The following DISC1 variants were observed in gnomAD, a reference collection of about 807,000 sequenced individuals.
The protein encoded by DISC1 is disrupted in schizophrenia 1 protein.
DISC1 carries 57 observed loss-of-function variants against 84.5 expected under a neutral mutation model. The observed-to-expected ratio is 0.67, with a 90% CI of 0.55 to 0.84. DISC1 has a LOEUF of 0.84. Ranked by LOEUF, DISC1 falls within the 40% of genes least tolerant of loss-of-function variation. The pLI, the probability that DISC1 is intolerant of heterozygous loss-of-function variation, is 0.00. For synonymous variants in DISC1, 411 were observed against 415.2 expected, an observed-to-expected ratio of 0.99 and a Z score of 0.12; for missense variants, 1,000 against 1,057.8, an observed-to-expected ratio of 0.95 and a Z score of 0.76.
intron 9 of DISC1, among the ~76,000 whole-genome samples, chr1:231,923,527 G>A (rs1051785411): frequency 6.6e-6 from 1 of 152,062 alleles, no homozygotes; most frequent in African/African-American, 2.4e-5. Flanking sequence ...TTTGCCTTGG[G>A]GCCTAGAAAG....
intron 1 of DISC1, among the ~76,000 whole-genome samples, chr1:231,689,189 G>A (rs2064683215): frequency 6.6e-6 from 1 of 152,184 alleles, no homozygotes; most frequent in Non-Finnish European, 1.5e-5. Flanking sequence ...TGCAAGTCAT[G>A]TTTTGTAAAG....
intron 4 of DISC1, among the ~76,000 whole-genome samples, chr1:231,756,254 C>G (rs1222592026): frequency 6.6e-6 from 1 of 152,218 alleles, no homozygotes; most frequent in Non-Finnish European, 1.5e-5. Context: ...ATCAGTCACA[C>G]TGCCTCTCCC....
intron 9 of DISC1, among the ~76,000 whole-genome samples, chr1:231,890,934 C>T (rs72760454): frequency 0.01 from 1,585 of 152,240 alleles, 24 homozygotes; most frequent in Middle Eastern, 0.044. Flanking sequence ...CTCACATTTT[C>T]CTCCCGTGAC....
chr1:232,000,588 AG>A (rs1285415648), intron 10 of DISC1, among the ~76,000 whole-genome samples: 1 of 152,248 alleles, frequency 6.6e-6, no homozygotes, highest in Non-Finnish European at 1.5e-5. Flanking sequence ...TACAGATTCA[AG>A]AAGCTACACA....
In DISC1 at chr1:232,013,186, A is replaced by G. The variant is rs1246326030; in HGVS notation, c.2307+4137A>G. Reference sequence around the variant, plus strand: ...AGCCTGCGGGGTGCTTTCTGTTTCCATTGCTTTTTCTACATAATGGGCTCC... The same window carrying G: ...AGCCTGCGGGGTGCTTTCTGTTTCCGTTGCTTTTTCTACATAATGGGCTCC... On this transcript the variant is annotated intron_variant, in intron 11 of 12. Transcript: ENST00000439617. Among the ~76,000 whole-genome samples, 3 of 151,850 alleles carry G rather than the reference A, an allele frequency of 2.0e-5. No individual in the cohort carries two copies. The East Asian group carries it at 5.8e-4, about 29-fold the overall frequency.
chr1:231,726,249 A>G (rs976938943), intron 3 of DISC1, among the ~76,000 whole-genome samples: 2 of 152,260 alleles, frequency 1.3e-5, no homozygotes, highest in African/African-American at 4.8e-5. Flanking sequence ...TCCTGATAAC[A>G]TAACATTATG....
chr1:231,762,890 C>A (rs2075878283), intron 4 of DISC1, among the ~76,000 whole-genome samples: 1 of 152,112 alleles, frequency 6.6e-6, no homozygotes, highest in Non-Finnish European at 1.5e-5. Flanking sequence ...TTTTTGTTAT[C>A]ATCATCACTG....
chr1:231,923,127 C>CA (rs1268806017), intron 9 of DISC1, among the ~76,000 whole-genome samples: 1 of 149,778 alleles, frequency 6.7e-6, no homozygotes, highest in South Asian at 2.1e-4. Context: ...AACACACACA[C>CA]AAAAAAAAAG....
At chr1:231,734,128 T>C (rs934038721) in intron 3 of DISC1, among the ~76,000 whole-genome samples, 1 of 152,120 alleles carries the variant, frequency 6.6e-6, no homozygotes, top group Non-Finnish European at 1.5e-5. Context: ...GATGCCTCCA[T>C]CCCTGAGTCT....
At chr1:231,677,085 A>G (rs2063228811) in intron 1 of DISC1, among the ~76,000 whole-genome samples, 1 of 152,176 alleles carries the variant, frequency 6.6e-6, no homozygotes, top group Non-Finnish European at 1.5e-5. Context: ...TCTAGGGTAA[A>G]ATACAGATCT....
intron 1 of DISC1, among the ~76,000 whole-genome samples, chr1:231,644,628 G>T (rs888613590): frequency 1.3e-5 from 2 of 152,154 alleles, no homozygotes; most frequent in Admixed American, 6.5e-5. Flanking sequence ...GGTGGCTTCA[G>T]AGCCAAATGG....
chr1:231,746,641 A>G lies in DISC1; in HGVS notation c.1118-3285A>G, dbSNP rs2074015133. Among the ~76,000 whole-genome samples the G allele has an allele frequency of 1.3e-5, 2 of 152,140 alleles. 1 individual carries two copies. The highest frequency in any genetic ancestry group is 4.1e-4 in the South Asian group (2 of 4,822). ...TTTATTTTATTTTTTTGTCTTTTTG[A>G]TAATAGCTATCCTAACTGGGGTGAG... On this transcript the variant is annotated intron_variant, in intron 3 of 12. Coordinates refer to ENST00000439617, the MANE Select transcript of DISC1 (RefSeq NM_018662.3).
At chr1:231,793,077 G>A (rs2078469787) in intron 6 of DISC1, among the ~76,000 whole-genome samples, 1 of 152,154 alleles carries the variant, frequency 6.6e-6, no homozygotes, top group South Asian at 2.1e-4. Context: ...CAATTGAAAC[G>A]AGTTTGCTTA....
chr1:231,678,373 G>A (rs200361936), intron 1 of DISC1, among the ~76,000 whole-genome samples: 6 of 152,120 alleles, frequency 3.9e-5, no homozygotes, highest in East Asian at 1.9e-4. Context: ...TCTGTGTGGC[G>A]GAGACATTTG....
chr1:231,963,814 C>G (rs963512905), intron 10 of DISC1, among the ~76,000 whole-genome samples: 3 of 152,124 alleles, frequency 2.0e-5, no homozygotes, highest in Non-Finnish European at 4.4e-5. Context: ...CTTTTAAGGG[C>G]TCACAACTTT....
intron 6 of DISC1, among the ~76,000 whole-genome samples, chr1:231,772,715 C>T (rs1000256133): frequency 1.3e-5 from 2 of 152,186 alleles, no homozygotes; most frequent in African/African-American, 4.8e-5. Flanking sequence ...CTTCAAACTA[C>T]CCGTCCAAAT....
At chr1:231,784,951 TTATG>T (rs2077717585) in intron 6 of DISC1, among the ~76,000 whole-genome samples, 1 of 152,178 alleles carries the variant, frequency 6.6e-6, no homozygotes, top group African/African-American at 2.4e-5. Context: ...TCTGATGAAT[TTATG>T]TACCCTGTTG....
chr1:231,964,482 G>A (rs1472802581), intron 10 of DISC1, among the ~76,000 whole-genome samples: 1 of 152,168 alleles, frequency 6.6e-6, no homozygotes, highest in Non-Finnish European at 1.5e-5. Flanking sequence ...TATGAGGCCT[G>A]GGTCAGATTT....
intron 3 of DISC1, among the ~76,000 whole-genome samples, chr1:231,719,211 A>C (rs1272072038): frequency 2.6e-5 from 4 of 152,206 alleles, no homozygotes; most frequent in Non-Finnish European, 5.9e-5. Context: ...GTGTTTTAGC[A>C]TAGCTATTGG....
Sources: gnomAD v4.1 joint callset for allele counts (sites outside exome capture counted in the v4.1 genomes callset) on GRCh38, gnomAD v4.1.1 for gene constraint, MANE v1.5 for transcripts, NCBI Gene and HGNC (gene_info 2026-07-23, HGNC 2026-07-21) for gene names.